The following NELL2 variants were observed in gnomAD, a reference collection of about 807,000 sequenced individuals.
NELL2 encodes protein kinase C-binding protein NELL2.
In NELL2, 41 loss-of-function variants were observed where a neutral mutation model predicts 109.6. That is an observed-to-expected ratio of 0.37 (90% confidence interval 0.29 to 0.49). NELL2 has a LOEUF of 0.49. NELL2 is among the 20% of genes least tolerant of loss of function. NELL2 has a pLI of 0.98. For synonymous variants in NELL2, 355 were observed against 344.7 expected (o/e 1.03, Z -0.33); for missense variants, 900 against 1,008.3 (o/e 0.89, Z 1.45).
intron 9 of NELL2, among the ~76,000 whole-genome samples, chr12:44,718,218 G>T (rs1592391619): frequency 6.6e-6 from 1 of 152,244 alleles, no homozygotes. Context: ...TCGGGCCTAT[G>T]CCCTAATTTT....
chr12:44,820,380 G>A (rs533181039), intron 2 of NELL2, among the ~76,000 whole-genome samples: 5 of 152,034 alleles, frequency 3.3e-5, no homozygotes, highest in Admixed American at 6.5e-5. Context: ...AGTCCGAAGC[G>A]GACAGATCAC....
At chr12:44,782,994 T>TAA in intron 3 of NELL2, among the ~76,000 whole-genome samples, 1 of 152,034 alleles carries the variant, frequency 6.6e-6, no homozygotes, top group Admixed American at 6.6e-5. Context: ...TCTTGAGCCA[T>TAA]AAAATAAACC....
At chr12:44,638,823 G>A (rs781209343) in intron 13 of NELL2, among the ~76,000 whole-genome samples, 14 of 152,128 alleles carry the variant, frequency 9.2e-5, no homozygotes, top group Admixed American at 5.9e-4. Context: ...TCCAGCTAGC[G>A]CTGATAAATT....
chr12:44,532,761 C>A, intron 15 of NELL2, 40 bp from the exon 16 acceptor site: 1 of 1,578,296 alleles, frequency 6.3e-7, no homozygotes, highest in Non-Finnish European at 8.6e-7. Context: ...TATTTATCTT[C>A]TTTGAAAGAA....
chr12:44,783,846 A>G (rs1190294989), intron 3 of NELL2, among the ~76,000 whole-genome samples: 1 of 152,054 alleles, frequency 6.6e-6, no homozygotes, highest in Non-Finnish European at 1.5e-5. Flanking sequence ...CCCTGACACC[A>G]AAAAACAGAT....
chr12:44,781,200 AT>A (rs1301729203), intron 3 of NELL2, among the ~76,000 whole-genome samples: 1 of 152,124 alleles, frequency 6.6e-6, no homozygotes, highest in Admixed American at 6.6e-5. Flanking sequence ...GGGAAAAAAA[AT>A]TTAAAACCAA....
rs1186579636 is a variant in NELL2, at chr12:44,888,400, A to C, written c.39-12500T>G. Among the ~76,000 whole-genome samples the C allele has an allele frequency of 2.8e-5, 4 of 141,862 alleles. 1 individual carries two copies. The highest frequency in any genetic ancestry group is 1.0e-4 in the African/African-American group (4 of 38,706). 93.1% of individuals were successfully genotyped at this position (141,862 alleles called of 152,430 possible). Reference sequence around the variant, plus strand: ...CAGTTGGTTTTTTTTTTTTTTTTGAAAGTTAAACTATTTGACAAACCTTCA... The same window carrying C: ...CAGTTGGTTTTTTTTTTTTTTTTGACAGTTAAACTATTTGACAAACCTTCA... On this transcript the variant is annotated intron_variant, in intron 1 of 20. Transcript: ENST00000333837.
upstream of NELL2, chr12:44,876,380 A>C: frequency 2.4e-6 from 3 of 1,227,286 alleles, no homozygotes; most frequent in Non-Finnish European, 3.1e-6. Flanking sequence ...GGGCCGGGGG[A>C]GGCGGGGTAA....
chr12:44,696,988 G>A (rs959234219), intron 12 of NELL2, among the ~76,000 whole-genome samples: 1 of 152,052 alleles, frequency 6.6e-6, no homozygotes, highest in Admixed American at 6.6e-5. Context: ...AGGCCTCCTC[G>A]CTTAACATAG....
chr12:44,875,864 C>A lies in NELL2; in HGVS notation c.6G>T (p.Glu2Asp). Residue 2 changes from glutamate (E) to aspartate (D), a missense_variant, in exon 1 of 20, where the codon GAG becomes GAT. Coordinates refer to ENST00000429094, the MANE Select transcript of NELL2 (RefSeq NM_001145108.2). M[E>D]SRVLLRTFCL... ...AGAATGTTCTCAGTAAGACCCGAGACTCCATGGTGCGGATCAGCTCAGTCC... is the reference window on the plus strand; with the variant it reads ...AGAATGTTCTCAGTAAGACCCGAGAATCCATGGTGCGGATCAGCTCAGTCC... 1 of 1,614,070 alleles carries A rather than the reference C, an allele frequency of 6.2e-7. No homozygotes were observed.
intron 9 of NELL2, among the ~76,000 whole-genome samples, chr12:44,745,991 T>C (rs1302272425): frequency 6.6e-6 from 1 of 152,068 alleles, no homozygotes; most frequent in East Asian, 1.9e-4. Flanking sequence ...CATTGCCAAG[T>C]CAATCCTAAG....
At position 44,833,514 on chromosome 12, in the gene NELL2, G is replaced by A. The variant is rs147379246; in HGVS notation, c.185-17378C>T. Among the ~76,000 whole-genome samples the A allele has an allele frequency of 3.9e-5, 6 of 152,100 alleles. No individual in the cohort carries two copies. In the South Asian group the frequency reaches 6.2e-4, roughly 16 times the overall value. On this transcript the variant is annotated intron_variant, in intron 2 of 19. Transcript: ENST00000429094. ...TTTTAATCTCCTTAAGGACAAAACTGTGTACTATACCTCTCTTCTACCCCA... is the reference window on the plus strand; with the variant it reads ...TTTTAATCTCCTTAAGGACAAAACTATGTACTATACCTCTCTTCTACCCCA...
chr12:44,722,635 G>A (rs1026068634), intron 9 of NELL2, among the ~76,000 whole-genome samples: 1 of 152,154 alleles, frequency 6.6e-6, no homozygotes, highest in Non-Finnish European at 1.5e-5. Context: ...TTCACACAGA[G>A]GAGTGTTTGA....
chr12:44,833,898 A>G (rs1943965251), intron 2 of NELL2, among the ~76,000 whole-genome samples: 1 of 152,184 alleles, frequency 6.6e-6, no homozygotes, highest in Admixed American at 6.5e-5. Flanking sequence ...TCCTATTGAA[A>G]CGAAAGTATC....
chr12:44,728,391 A>G lies in NELL2; in HGVS notation c.995-13650T>C, dbSNP rs537439718. ...TCAACAGTAGATTTGATTAAGCAGA[A>G]GAATCAGCAAACTCAAAGACAGTGC... On this transcript the variant is annotated intron_variant, in intron 9 of 19. Transcript: ENST00000429094. Among the ~76,000 whole-genome samples the G allele has an allele frequency of 6.6e-5, 10 of 152,270 alleles. No homozygotes were observed. The East Asian group carries it at 1.7e-3, about 26-fold the overall frequency.
chr12:44,652,081 G>T (rs1343033982), intron 13 of NELL2, among the ~76,000 whole-genome samples: 2 of 152,128 alleles, frequency 1.3e-5, no homozygotes, highest in Non-Finnish European at 2.9e-5. Flanking sequence ...GCTAATTGTG[G>T]CCCATAGGTC....
At chr12:44,750,470 A>T (rs1940603006) in intron 9 of NELL2, among the ~76,000 whole-genome samples, 1 of 152,176 alleles carries the variant, frequency 6.6e-6, no homozygotes, top group South Asian at 2.1e-4. Flanking sequence ...TATGTAAAGC[A>T]AGCAAAATGA....
rs928269014 is a variant in NELL2 at position 44,524,337 on chromosome 12, T to A, written c.1805-853A>T. On this transcript the variant is annotated intron_variant, in intron 16 of 19. Coordinates refer to ENST00000429094, the MANE Select transcript of NELL2 (RefSeq NM_001145108.2). ...TTTATTTACCCCCGTAATTTAAAGG[T>A]CACAAGCCAAAATACATTTCAGAGA... 2.0e-5 allele frequency among the ~76,000 whole-genome samples: 3 copies of A among 152,108 alleles called. No individual in the cohort carries two copies. The South Asian group carries it at 6.2e-4, about 31-fold the overall frequency.
intron 13 of NELL2, among the ~76,000 whole-genome samples, chr12:44,636,867 G>T (rs1372031026): frequency 6.6e-6 from 1 of 151,612 alleles, no homozygotes; most frequent in Non-Finnish European, 1.5e-5. Context: ...ATCCTGCTTT[G>T]ATTCCGTCTG....
Sources: gnomAD v4.1 joint callset for allele counts (sites outside exome capture counted in the v4.1 genomes callset) on GRCh38, gnomAD v4.1.1 for gene constraint, MANE v1.5 for transcripts, NCBI Gene and HGNC (gene_info 2026-07-23, HGNC 2026-07-21) for gene names.